Variants in MNAT1 observed in about 807,000 individuals in gnomAD.
MNAT1 encodes the protein MNAT1 component of CDK activating kinase.
A neutral mutation model predicts 42.0 loss-of-function variants in MNAT1; 43 were observed. The ratio of observed to expected loss-of-function variants is 1.02; its 90% CI spans 0.80 to 1.32. MNAT1 has a LOEUF of 1.32. MNAT1 is among the 40% of genes most tolerant of loss of function. The pLI is 0.00. For missense variants in MNAT1, 306 were observed against 350.4 expected (o/e 0.87, Z 1.01); for synonymous variants, 118 against 120.0 (o/e 0.98, Z 0.11).
rs565726815 is a variant in MNAT1 at position 60,869,554 on chromosome 14, G to A, written c.688-10160G>A. 7.2e-5 allele frequency among the ~76,000 whole-genome samples: 11 copies of A among 152,160 alleles called. No homozygotes were observed. In the South Asian group the frequency reaches 1.2e-3, roughly 17 times the overall value. On this transcript the variant is annotated intron_variant, in intron 6 of 7. Transcript: ENST00000261245. ...TGTTGAAGATGAGGGTAGTTTGATG[G>A]ATAAATGTCATTAAGCAAGATAGAT...
At chr14:60,952,360 A>G (rs1444121680) in intron 7 of MNAT1, among the ~76,000 whole-genome samples, 1 of 152,204 alleles carries the variant, frequency 6.6e-6, no homozygotes, top group Non-Finnish European at 1.5e-5. Context: ...GCTTTGCTCT[A>G]AGAAGATTAA....
rs537574426 is a variant in MNAT1 at position 60,964,005 on chromosome 14, C to T, written c.810-4224C>T. 1.4e-4 allele frequency among the ~76,000 whole-genome samples: 21 copies of T among 152,238 alleles called. 1 individual carries two copies. The South Asian group carries it at 2.1e-3, about 15-fold the overall frequency. ...AAAGCATTGTTAAGTAGCACTAAAA[C>T]GAGCTGAGTCCAAGACTTCAGCCAG... On this transcript the variant is annotated intron_variant, in intron 7 of 7. Coordinates refer to ENST00000261245, the MANE Select transcript of MNAT1 (RefSeq NM_002431.4).
At chr14:60,741,238 T>C (rs937252153) in intron 1 of MNAT1, among the ~76,000 whole-genome samples, 2 of 152,184 alleles carry the variant, frequency 1.3e-5, no homozygotes, top group African/African-American at 4.8e-5. Flanking sequence ...TTTTAACCCA[T>C]GTAATATCAG....
chr14:60,744,399 G>A (rs1480416427), intron 1 of MNAT1, among the ~76,000 whole-genome samples: 4 of 151,392 alleles, frequency 2.6e-5, no homozygotes, highest in Non-Finnish European at 4.4e-5. Context: ...CCCAAAGTGC[G>A]GGGATTACAG....
Position 60,879,785 on chromosome 14 carries a change from A to G in MNAT1, c.759A>G (p.Ile253Met). 2 of 1,613,330 alleles carry G rather than the reference A, an allele frequency of 1.2e-6. No homozygotes were observed. Among genetic ancestry groups the G allele is most frequent in the Non-Finnish European group, 8.5e-7 (1 of 1,179,448 alleles). ...TGTATGAATACCAGCCACTGCAGATAGAGACATATGGACCACATGTTCCTG... is the reference window on the plus strand; with the variant it reads ...TGTATGAATACCAGCCACTGCAGATGGAGACATATGGACCACATGTTCCTG... ...EALYEYQPLQIETYGPHVPEL... is the reference protein window; with the variant it reads ...EALYEYQPLQMETYGPHVPEL... Residue 253 changes from isoleucine to methionine, a missense_variant, in exon 7 of 8, where the codon ATA (isoleucine) becomes ATG (methionine). By Grantham distance (10) the Ile-to-Met change is conservative. Transcript: ENST00000261245.
At chr14:60,822,821 A>G (rs1278399026) in intron 6 of MNAT1, among the ~76,000 whole-genome samples, 1 of 151,926 alleles carries the variant, frequency 6.6e-6, no homozygotes, top group East Asian at 1.9e-4. Context: ...CAGTGACACA[A>G]TCTGGACTCC....
intron 7 of MNAT1, among the ~76,000 whole-genome samples, chr14:60,883,327 A>G (rs2034592014): frequency 6.6e-6 from 1 of 152,070 alleles, no homozygotes; most frequent in Admixed American, 6.6e-5. Flanking sequence ...CATATTTTGA[A>G]GAGATTTTCT....
chr14:60,849,036 C>G (rs1285521059), intron 6 of MNAT1, among the ~76,000 whole-genome samples: 3 of 151,758 alleles, frequency 2.0e-5, no homozygotes, highest in Admixed American at 2.0e-4. Flanking sequence ...AGCCAGGCAA[C>G]TGAAAGAAAG....
chr14:60,831,096 T>G (rs937673696), intron 6 of MNAT1, among the ~76,000 whole-genome samples: 8 of 66,962 alleles, frequency 1.2e-4, no homozygotes, highest in African/African-American at 3.5e-4. Context: ...GCTGCTTTCT[T>G]TTGTTCCTTT....
intron 3 of MNAT1, among the ~76,000 whole-genome samples, chr14:60,807,680 A>C (rs2032415635): frequency 6.6e-6 from 1 of 152,192 alleles, no homozygotes; most frequent in Admixed American, 6.5e-5. Context: ...ATAAAAAGAG[A>C]GTTGTAATTT....
intron 3 of MNAT1, among the ~76,000 whole-genome samples, chr14:60,804,973 T>C (rs2032322290): frequency 6.6e-6 from 1 of 152,244 alleles, no homozygotes; most frequent in Non-Finnish European, 1.5e-5. Context: ...AGTAGAGCTC[T>C]ACATGGGATA....
intron 6 of MNAT1, among the ~76,000 whole-genome samples, chr14:60,826,307 ATTTTTTTTTTTT>A (rs60838198): frequency 8.3e-6 from 1 of 119,784 alleles, no homozygotes; most frequent in African/African-American, 3.1e-5. Flanking sequence ...AATAGGAGAA[ATTTTTTTTTTTT>A]TTTTTTTTTT....
chr14:60,828,832 AT>A (rs1346689446), intron 6 of MNAT1, among the ~76,000 whole-genome samples: 1 of 152,166 alleles, frequency 6.6e-6, no homozygotes, highest in African/African-American at 2.4e-5. Context: ...GGAAACACTT[AT>A]GTCTACTGAT....
At chr14:60,826,528 C>T (rs2033062753) in intron 6 of MNAT1, among the ~76,000 whole-genome samples, 1 of 151,918 alleles carries the variant, frequency 6.6e-6, no homozygotes, top group African/African-American at 2.4e-5. Flanking sequence ...ACCATACTGA[C>T]CAGGCTGGTC....
At chr14:60,828,130 A>G (rs912077370) in intron 6 of MNAT1, among the ~76,000 whole-genome samples, 1 of 152,148 alleles carries the variant, frequency 6.6e-6, no homozygotes, top group African/African-American at 2.4e-5. Flanking sequence ...TTATTATATT[A>G]TTAGAAGTTT....
chr14:60,887,144 G>A (rs1444290647), intron 7 of MNAT1, among the ~76,000 whole-genome samples: 3 of 151,780 alleles, frequency 2.0e-5, no homozygotes, highest in Admixed American at 2.0e-4. Flanking sequence ...TCATTCTATT[G>A]ATGAGTTGTA....
At chr14:60,756,565 A>G (rs1284910100) in intron 1 of MNAT1, among the ~76,000 whole-genome samples, 1 of 152,168 alleles carries the variant, frequency 6.6e-6, no homozygotes, top group Admixed American at 6.5e-5. Flanking sequence ...AAGCTGGAGG[A>G]TGGAAAAATC....
intron 6 of MNAT1, among the ~76,000 whole-genome samples, chr14:60,831,220 G>T (rs896303424): frequency 1.1e-4 from 17 of 151,844 alleles, no homozygotes; most frequent in African/African-American, 3.9e-4. Context: ...AAGTTCTTGG[G>T]ATACATGTGG....
chr14:60,789,854 G>A (rs2031763085), intron 1 of MNAT1, among the ~76,000 whole-genome samples: 1 of 152,170 alleles, frequency 6.6e-6, no homozygotes, highest in Non-Finnish European at 1.5e-5. Context: ...ATGCTGGCTA[G>A]GAGTATGTAG....
Sources: gnomAD v4.1 joint callset for allele counts (sites outside exome capture counted in the v4.1 genomes callset) on GRCh38, gnomAD v4.1.1 for gene constraint, MANE v1.5 for transcripts, NCBI Gene and HGNC (gene_info 2026-07-23, HGNC 2026-07-21) for gene names.